HS6ST2: variants seen among roughly 807,000 people sequenced by gnomAD.
HS6ST2 encodes heparan-sulfate 6-O-sulfotransferase 2.
A neutral mutation model predicts 33.0 loss-of-function variants in HS6ST2; 17 were observed. That is an observed-to-expected ratio of 0.52 (90% confidence interval 0.35 to 0.77). The LOEUF (loss-of-function observed/expected upper bound fraction) is 0.77, where lower values mean the gene tolerates loss of function less well. Ranked by LOEUF, HS6ST2 falls within the 30% of genes least tolerant of loss-of-function variation. The pLI, the probability that HS6ST2 is intolerant of heterozygous loss-of-function variation, is 0.01. For missense variants in HS6ST2, 519 were observed against 551.7 expected, an observed-to-expected ratio of 0.94 and a Z score of 0.59; for synonymous variants, 248 against 237.1, an observed-to-expected ratio of 1.05 and a Z score of -0.42.
In HS6ST2 at chrX:132,954,238, G is replaced by A. The variant is rs753533955; in HGVS notation, c.947+2570C>T. On this transcript the variant is annotated intron_variant, in intron 2 of 4. Coordinates refer to ENST00000370833, the MANE Select transcript of HS6ST2 (RefSeq NM_001394073.1). ...GTGGCTGGCCTAGAACTAAGGCCCA[G>A]CTGTCTGAACTCCCAGGCCAGAAAG... Among the ~76,000 whole-genome samples the A allele has an allele frequency of 3.6e-5, 4 of 111,825 alleles. No homozygotes were observed. In the South Asian group the frequency reaches 1.5e-3, roughly 43 times the overall value.
At chrX:132,695,475 A>C (rs767096149) in intron 3 of HS6ST2, among the ~76,000 whole-genome samples, 207 of 112,085 alleles carry the variant, frequency 1.8e-3, no homozygotes, top group African/African-American at 6.4e-3. Flanking sequence ...ACAAATGCTT[A>C]ATCAGATTTT....
intron 2 of HS6ST2, among the ~76,000 whole-genome samples, chrX:132,933,879 G>A (rs981810670): frequency 5.4e-5 from 6 of 110,804 alleles, no homozygotes; most frequent in Admixed American, 2.9e-4. Flanking sequence ...TTTCAAAACC[G>A]AAAGCAATAT....
chrX:132,891,654 C>T lies in HS6ST2; in HGVS notation c.947+65154G>A, dbSNP rs772547576. 2.8e-4 allele frequency among the ~76,000 whole-genome samples: 31 copies of T among 110,694 alleles called. 1 individual carries two copies. In the South Asian group the frequency reaches 8.5e-3, roughly 30 times the overall value. ...TGCGGTGTTTGATTTTTTGTCCTTG[C>T]GATAGTTTACTGACAATAATGATTT... is the stretch of plus-strand genomic sequence containing the variant. On this transcript the variant is annotated intron_variant, in intron 2 of 4. Transcript: ENST00000370833.
chrX:132,642,331 A>G (rs1020391710), intron 4 of HS6ST2, among the ~76,000 whole-genome samples: 2 of 111,336 alleles, frequency 1.8e-5, no homozygotes, highest in Non-Finnish European at 3.8e-5. Context: ...GCACAGGGGA[A>G]AAGTTTTCCC....
At position 132,848,577 on chromosome X, in the gene HS6ST2, T is replaced by C. The variant is rs182153537; in HGVS notation, c.947+108231A>G. On this transcript the variant is annotated intron_variant, in intron 2 of 4. Coordinates refer to ENST00000370833, the MANE Select transcript of HS6ST2 (RefSeq NM_001394073.1). Reference sequence around the variant, plus strand: ...GGGCCGTTTTCATAGATGAGCGCCATGGACTCTTGGGGACTGCAAAAGAGA... The same window carrying C: ...GGGCCGTTTTCATAGATGAGCGCCACGGACTCTTGGGGACTGCAAAAGAGA... Among the ~76,000 whole-genome samples, 579 of 111,781 alleles carry C rather than the reference T, an allele frequency of 5.2e-3. 3 individuals carry two copies. Among genetic ancestry groups the C allele is most frequent in the Non-Finnish European group, 8.0e-3 (423 of 53,126 alleles).
chrX:132,922,318 T>C (rs1480404071), intron 2 of HS6ST2, among the ~76,000 whole-genome samples: 2 of 111,799 alleles, frequency 1.8e-5, no homozygotes, highest in Non-Finnish European at 3.8e-5. Flanking sequence ...AAAAAACAAC[T>C]TCCTAGGCAG....
rs1255175692 is a variant in HS6ST2, at chrX:132,956,705, G to A, written c.947+103C>T. On this transcript the variant is annotated intron_variant, in intron 2 of 4. Coordinates refer to ENST00000370833, the MANE Select transcript of HS6ST2 (RefSeq NM_001394073.1). ...CTGCCCAGCCGGGGTGCAAACGCCC[G>A]GGCGTCAGGGTGCGCGCTAGGTCCC... 24 of 973,270 alleles carry A rather than the reference G, an allele frequency of 2.5e-5. No homozygotes were observed. In the East Asian group the frequency reaches 8.2e-4, roughly 33 times the overall value. 80.2% of individuals were successfully genotyped at this position (973,270 alleles called of 1,213,427 possible). A position where few individuals can be genotyped will look rare whatever the true frequency, so the allele number is the denominator to read the frequency against.
At chrX:132,853,960 G>A (rs184631678) in intron 2 of HS6ST2, among the ~76,000 whole-genome samples, 83 of 110,665 alleles carry the variant, frequency 7.5e-4, no homozygotes, top group Middle Eastern at 4.6e-3. Flanking sequence ...GGAGGTGAAG[G>A]CTGCAGTGAG....
intron 2 of HS6ST2, among the ~76,000 whole-genome samples, chrX:132,921,455 A>C (rs2066649751): frequency 1.8e-5 from 2 of 112,558 alleles, no homozygotes; most frequent in South Asian, 7.3e-4. Context: ...GGCTTTTGGC[A>C]GGTTGAATTT....
chrX:132,774,349 C>G (rs922549701), intron 2 of HS6ST2, among the ~76,000 whole-genome samples: 7 of 112,520 alleles, frequency 6.2e-5, no homozygotes, highest in African/African-American at 1.6e-4. Flanking sequence ...TTGCTGTTTT[C>G]TGCTCTCCAC....
intron 2 of HS6ST2, among the ~76,000 whole-genome samples, chrX:132,914,409 C>G (rs955469897): frequency 8.9e-6 from 1 of 112,636 alleles, no homozygotes; most frequent in Non-Finnish European, 1.9e-5. Flanking sequence ...ACTTCTGGCT[C>G]TGAAGCCTGT....
intron 2 of HS6ST2, among the ~76,000 whole-genome samples, chrX:132,820,512 C>G (rs1056320716): frequency 1.8e-5 from 2 of 111,257 alleles, no homozygotes; most frequent in African/African-American, 3.3e-5. Flanking sequence ...TTGTAGGCAT[C>G]GGAGAAAGCC....
chrX:132,865,446 A>G (rs1426152990), intron 2 of HS6ST2, among the ~76,000 whole-genome samples: 1 of 109,656 alleles, frequency 9.1e-6, no homozygotes, highest in Non-Finnish European at 1.9e-5. Context: ...ATACGTGTGC[A>G]TGTGTCTTTA....
chrX:132,934,122 C>T (rs1480261233), intron 2 of HS6ST2, among the ~76,000 whole-genome samples: 3 of 111,279 alleles, frequency 2.7e-5, no homozygotes, highest in Non-Finnish European at 5.7e-5. Flanking sequence ...ATTTACTCCC[C>T]TTTTCTCATA....
intron 2 of HS6ST2, among the ~76,000 whole-genome samples, chrX:132,717,430 G>A (rs1369524465): frequency 1.8e-5 from 2 of 112,556 alleles, no homozygotes; most frequent in African/African-American, 6.5e-5. Flanking sequence ...ATACCTAACA[G>A]GGCACAAACC....
chrX:132,943,686 A>G (rs2066911265), intron 2 of HS6ST2, among the ~76,000 whole-genome samples: 1 of 111,544 alleles, frequency 9.0e-6, no homozygotes. Flanking sequence ...CATCCCTGGG[A>G]TGCAAGGCTG....
intron 4 of HS6ST2, among the ~76,000 whole-genome samples, chrX:132,651,509 A>G (rs758888305): frequency 8.9e-6 from 1 of 112,539 alleles, no homozygotes; most frequent in African/African-American, 3.2e-5. Flanking sequence ...AGGCATGAGT[A>G]AGAAAGGCTT....
intron 2 of HS6ST2, among the ~76,000 whole-genome samples, chrX:132,853,331 T>G (rs866135711): frequency 2.0e-5 from 2 of 98,307 alleles, no homozygotes; most frequent in African/African-American, 3.9e-5. Flanking sequence ...TTTTTTTTTT[T>G]CTTTTTTTTT....
chrX:132,957,194 G>A lies in HS6ST2; in HGVS notation c.561C>T (p.Ser187=). The part of the protein sequence containing the change: ...ECQLLRLQAF[S]SPVPDPYRSE... ...AGCGGTACGGGTCCGGCACCGGGGA[G>A]CTGAACGCCTGCAGGCGGAGGAGCT... Residue 187 remains serine (S), a synonymous_variant, in exon 2 of 5, where the codon AGC becomes AGT. Transcript: ENST00000370833. The A allele has an allele frequency of 8.3e-7, 1 of 1,211,529 alleles. No homozygotes were observed. The highest frequency in any genetic ancestry group is 1.1e-6 in the Non-Finnish European group (1 of 895,200).
Sources: allele counts gnomAD v4.1 joint callset (sites outside exome capture counted in the v4.1 genomes callset), GRCh38; gene constraint gnomAD v4.1.1; transcripts MANE v1.5; gene names NCBI Gene and HGNC (gene_info 2026-07-23, HGNC 2026-07-21).